BPIFB3: variants seen among roughly 807,000 people sequenced by gnomAD.
The protein encoded by BPIFB3 is BPI fold containing family B member 3, also known as BPI fold-containing family B member 3.
A neutral mutation model predicts 53.1 loss-of-function variants in BPIFB3; 49 were observed. The observed-to-expected ratio is 0.92, with a 90% confidence interval of 0.73 to 1.17. The LOEUF is 1.17. Among genes scored for constraint, BPIFB3 ranks in the 50% most tolerant of loss-of-function variants. The pLI is 0.00. For synonymous variants in BPIFB3, 271 were observed against 269.6 expected, an observed-to-expected ratio of 1.01 and a Z score of -0.05; for missense variants, 628 against 592.5, an observed-to-expected ratio of 1.06 and a Z score of -0.62.
chr20:33,068,385 T>C (rs1459416793), intron 9 of BPIFB3, among the ~76,000 whole-genome samples: 1 of 152,182 alleles, frequency 6.6e-6, no homozygotes, highest in Non-Finnish European at 1.5e-5. Context: ...TGGGAAGATA[T>C]TTCCAGGCAG....
intron 4 of BPIFB3, among the ~76,000 whole-genome samples, chr20:33,060,476 G>T (rs1457028172): frequency 6.6e-6 from 1 of 152,178 alleles, no homozygotes; most frequent in Non-Finnish European, 1.5e-5. Flanking sequence ...AGCTGGATTT[G>T]ATGATTCGGA....
intron 8 of BPIFB3, among the ~76,000 whole-genome samples, chr20:33,065,523 AGAAG>A (rs374472760): frequency 3.5e-4 from 53 of 151,164 alleles, no homozygotes; most frequent in Middle Eastern, 3.4e-3. Flanking sequence ...AAAAAGAGAA[AGAAG>A]GAAGGAAGGA....
chr20:33,071,632 A>G (rs763439986), intron 12 of BPIFB3, among the ~76,000 whole-genome samples: 1 of 152,028 alleles, frequency 6.6e-6, no homozygotes, highest in Non-Finnish European at 1.5e-5. Context: ...AATTTCCCGA[A>G]CTCAGCAAGT....
chr20:33,068,796 T>G lies in BPIFB3; in HGVS notation c.979-7T>G. ...GGCATCTAAGTTATGCCCCTGCATT[T>G]CTCCAGGCCCTGGGGAAGCTGCCCC... On this transcript the variant is annotated splice_polypyrimidine_tract_variant and splice_region_variant and intron_variant, in intron 9 of 14. Transcript: ENST00000375494. 6.2e-7 allele frequency: 1 copy of G among 1,612,474 alleles called. No homozygotes were observed. Among genetic ancestry groups the G allele is most frequent in the Non-Finnish European group, 8.5e-7 (1 of 1,179,054 alleles).
In BPIFB3 at chr20:33,061,887, C is replaced by T. The variant is rs1002585895; in HGVS notation, c.591+56C>T. On this transcript the variant is annotated intron_variant, in intron 5 of 14. Transcript: ENST00000375494. ...CTCTCCCAGGACTGGGCCTCTTTCC[C>T]CCTCTGGTTTTGGGTGAAGTTTGGC... 4.4e-6 allele frequency: 7 copies of T among 1,595,706 alleles called. No individual in the cohort carries two copies. The African/African-American group carries it at 6.7e-5, about 15-fold the overall frequency.
chr20:33,072,289 T>C, intron 13 of BPIFB3, 122 bp downstream of exon 14: 1 of 1,085,640 alleles, frequency 9.2e-7, no homozygotes, highest in South Asian at 1.3e-5. Flanking sequence ...CGATCCTCAT[T>C]TGCAAGATGC....
intron 9 of BPIFB3, 44 bp from the exon 11 acceptor site, chr20:33,068,759 T>G: frequency 6.3e-7 from 1 of 1,584,766 alleles, no homozygotes. Context: ...GACTGACTGA[T>G]TGTAGTCCTG....
upstream of BPIFB3, among the ~76,000 whole-genome samples, chr20:33,054,507 C>T (rs574099534): frequency 1.1e-4 from 17 of 152,234 alleles, no homozygotes; most frequent in African/African-American, 3.6e-4. Context: ...AATGTTTATC[C>T]GGAATCTCAA....
At chr20:33,059,182 G>A (rs879539315) in intron 2 of BPIFB3, among the ~76,000 whole-genome samples, 196 bp from the exon 4 acceptor site, 2 of 152,134 alleles carry the variant, frequency 1.3e-5, no homozygotes, top group Admixed American at 6.5e-5. Flanking sequence ...CAACACTCCT[G>A]TGAGGTAGGA....
chr20:33,065,316 T>A (rs1201968607), intron 8 of BPIFB3, among the ~76,000 whole-genome samples: 1 of 151,984 alleles, frequency 6.6e-6, no homozygotes, highest in Non-Finnish European at 1.5e-5. Flanking sequence ...TGTGGGAGGA[T>A]CTCTTGAGCC....
exon 2 of BPIFB3, chr20:33,056,647 G>T (rs763473740): frequency 3.7e-6 from 6 of 1,612,498 alleles, no homozygotes; most frequent in Non-Finnish European, 5.1e-6. Flanking sequence ...CTTGGAGGAG[G>T]CGGCTTGCTG....
chr20:33,056,760 G>A, intron 2 of BPIFB3, 62 bp downstream of exon 3: 2 of 1,499,658 alleles, frequency 1.3e-6, no homozygotes, highest in East Asian at 2.3e-5. Flanking sequence ...GAATTGAGGA[G>A]AGATTGTCTC....
At chr20:33,069,002 C>T (rs528667456) in intron 10 of BPIFB3, 29 bp downstream of exon 11, 49 of 1,598,966 alleles carry the variant, frequency 3.1e-5, no homozygotes, top group South Asian at 3.0e-4. Flanking sequence ...GCTGGGGGCC[C>T]GGCATTGGGG....
chr20:33,055,690 C>A, intron 1 of BPIFB3, 143 bp downstream of exon 2: 1 of 1,267,404 alleles, frequency 7.9e-7, no homozygotes, highest in Non-Finnish European at 1.1e-6. Flanking sequence ...CTGGGAGTAG[C>A]TGTGCAGGAG....
intron 9 of BPIFB3, among the ~76,000 whole-genome samples, chr20:33,068,397 G>A (rs1980750217): frequency 6.6e-6 from 1 of 152,236 alleles, no homozygotes; most frequent in Non-Finnish European, 1.5e-5. Context: ...TCCAGGCAGA[G>A]GGAGCAGCAA....
At chr20:33,060,704 G>A (rs1980418455) in intron 4 of BPIFB3, among the ~76,000 whole-genome samples, 2 of 152,148 alleles carry the variant, frequency 1.3e-5, no homozygotes, top group South Asian at 2.1e-4. Context: ...CAAGTAGCTG[G>A]GATTACGGGC....
At chr20:33,072,615 C>A in intron 13 of BPIFB3, 102 bp from the exon 15 acceptor site, 1 of 941,302 alleles carries the variant, frequency 1.1e-6, no homozygotes, top group Non-Finnish European at 1.7e-6. Context: ...AACTGGCTGG[C>A]TAGTGAAAGT....
At chr20:33,071,196 T>C (rs908826337) in intron 11 of BPIFB3, 57 bp from the exon 13 acceptor site, 2 of 893,444 alleles carry the variant, frequency 2.2e-6, no homozygotes, top group African/African-American at 4.6e-5. Context: ...AGGCTGGGGG[T>C]GGGACAGGGG....
At chr20:33,070,063 G>A in intron 11 of BPIFB3, 108 bp downstream of exon 12, 1 of 1,313,236 alleles carries the variant, frequency 7.6e-7, no homozygotes, top group Non-Finnish European at 1.1e-6. Context: ...AATTCCAGGT[G>A]TTTTTCCAGC....
Sources: allele counts gnomAD v4.1 joint callset (sites outside exome capture counted in the v4.1 genomes callset), GRCh38; gene constraint gnomAD v4.1.1; transcripts MANE v1.5; gene names NCBI Gene and HGNC (gene_info 2026-07-23, HGNC 2026-07-21).